Variants in CDK5RAP2 observed in about 807,000 individuals in gnomAD.
The protein encoded by CDK5RAP2 is CDK5 regulatory subunit associated protein 2.
CDK5RAP2 carries 147 observed loss-of-function variants against 232.9 expected under a neutral mutation model. The observed-to-expected ratio is 0.63, with a 90% CI of 0.55 to 0.72. CDK5RAP2 has a LOEUF of 0.72. Ranked by LOEUF, CDK5RAP2 falls within the 30% of genes least tolerant of loss-of-function variation. CDK5RAP2 has a pLI of 0.00. For synonymous variants in CDK5RAP2, 833 were observed against 833.7 expected, an observed-to-expected ratio of 1.00 and a Z score of 0.01; for missense variants, 2,195 against 2,231.5, an observed-to-expected ratio of 0.98 and a Z score of 0.33.
chr9:120,550,782 G>C lies in CDK5RAP2; in HGVS notation c.306+10C>G. The C allele has an allele frequency of 2.1e-6, 3 of 1,436,032 alleles. No individual in the cohort carries two copies. The highest frequency in any genetic ancestry group is 1.4e-5 in the African/African-American group (1 of 71,526). The allele number at this position is 1,436,032 out of a possible 1,614,324, so 89.0% of individuals were successfully genotyped here. ...ACACAAGGGACAGTAATGAGAAATG[G>C]GCCACTCACAGTTTTGTAGATATGT... On this transcript the variant is annotated intron_variant, in intron 4 of 37. Transcript: ENST00000349780.
At chr9:120,450,929 G>A (rs2036448695) in intron 21 of CDK5RAP2, among the ~76,000 whole-genome samples, 1 of 152,232 alleles carries the variant, frequency 6.6e-6, no homozygotes, top group Non-Finnish European at 1.5e-5. Flanking sequence ...CAGGTTCAAG[G>A]ATAAGAACAG....
intron 25 of CDK5RAP2, among the ~76,000 whole-genome samples, chr9:120,430,439 A>C (rs1281025818): frequency 2.0e-5 from 3 of 150,178 alleles, no homozygotes; most frequent in Non-Finnish European, 3.0e-5. Flanking sequence ...ACCCCATCAA[A>C]AAGTGGGCGA....
chr9:120,568,199 G>A, intron 3 of CDK5RAP2, 122 bp downstream of exon 3: 1 of 798,352 alleles, frequency 1.3e-6, no homozygotes, highest in East Asian at 2.4e-5. Context: ...ATGAGACATG[G>A]CACCCCCCTG....
At position 120,419,813 on chromosome 9, in the gene CDK5RAP2, T is replaced by G; in HGVS notation, c.4152A>C (p.Ser1384=). 1 of 1,613,928 alleles carries G rather than the reference T, an allele frequency of 6.2e-7. No individual in the cohort carries two copies. Among genetic ancestry groups the G allele is most frequent in the East Asian group, 2.2e-5 (1 of 44,874 alleles). Residue 1384 remains serine, a synonymous_variant, in exon 27 of 38, where the codon TCA becomes TCC. Coordinates refer to ENST00000349780, the MANE Select transcript of CDK5RAP2 (RefSeq NM_018249.6). ...CTTGAGAAAAACTGTTCACCATAAC[T>G]GAAGTCTTCTCTGTCTCATTATCTT... ...QKQDNETEKT[S]VMVNSFSQDL...
intron 26 of CDK5RAP2, 28 bp downstream of exon 26, chr9:120,422,665 G>A (rs1205416022): frequency 6.3e-7 from 1 of 1,582,004 alleles, no homozygotes; most frequent in East Asian, 2.2e-5. Flanking sequence ...GTCCTGGGAA[G>A]TCTTCTTAAC....
intron 5 of CDK5RAP2, among the ~76,000 whole-genome samples, chr9:120,544,470 T>A (rs1037680505): frequency 2.0e-5 from 3 of 152,250 alleles, no homozygotes; most frequent in Non-Finnish European, 4.4e-5. Flanking sequence ...AAGTTCAGCA[T>A]AACCTGGAGA....
At chr9:120,578,623 G>A (rs555467272) in intron 1 of CDK5RAP2, among the ~76,000 whole-genome samples, 14 of 149,680 alleles carry the variant, frequency 9.4e-5, no homozygotes, top group African/African-American at 3.4e-4. Context: ...CTACAGTGCA[G>A]TGGCATGAAC....
In CDK5RAP2 at chr9:120,530,045, T is replaced by C. The variant is rs748873119; in HGVS notation, c.758A>G (p.Asn253Ser). The C allele has an allele frequency of 6.2e-7, 1 of 1,613,436 alleles. No homozygotes were observed. Among genetic ancestry groups the C allele is most frequent in the East Asian group, 2.2e-5 (1 of 44,876 alleles). Residue 253 changes from asparagine (N) to serine (S), a missense_variant, in exon 8 of 38, where the codon AAT becomes AGT. Coordinates refer to ENST00000349780, the MANE Select transcript of CDK5RAP2 (RefSeq NM_018249.6). ...EKSQMACPDENVSSGELRGLC... is the reference protein window; with the variant it reads ...EKSQMACPDESVSSGELRGLC... Reference sequence around the variant, plus strand: ...TCCTCGGAGCTCTCCAGATGACACATTCTCATCAGGACATGCCATCTGAGA... The same window carrying C: ...TCCTCGGAGCTCTCCAGATGACACACTCTCATCAGGACATGCCATCTGAGA...
intron 12 of CDK5RAP2, among the ~76,000 whole-genome samples, chr9:120,513,687 G>T (rs1233372275): frequency 2.6e-5 from 4 of 152,178 alleles, no homozygotes; most frequent in Non-Finnish European, 5.9e-5. Context: ...GTTTCTTCAT[G>T]TCTCTATTAT....
intron 2 of CDK5RAP2, among the ~76,000 whole-genome samples, chr9:120,569,947 A>C (rs973569638): frequency 1.3e-5 from 2 of 152,176 alleles, no homozygotes; most frequent in African/African-American, 4.8e-5. Flanking sequence ...AACAGGAATA[A>C]ATGAAATGAG....
chr9:120,507,672 T>G (rs1484194223), intron 12 of CDK5RAP2, among the ~76,000 whole-genome samples: 1 of 151,868 alleles, frequency 6.6e-6, no homozygotes, highest in East Asian at 1.9e-4. Flanking sequence ...TCTGTTTTAT[T>G]TGCTTCTGAA....
intron 5 of CDK5RAP2, among the ~76,000 whole-genome samples, chr9:120,539,850 A>C (rs1313369320): frequency 6.6e-6 from 1 of 152,234 alleles, no homozygotes; most frequent in Non-Finnish European, 1.5e-5. Flanking sequence ...GGGGCTTCCA[A>C]CAAAGTACAC....
chr9:120,389,855 G>T, intron 36 of CDK5RAP2, 68 bp from the exon 37 acceptor site: 1 of 1,457,832 alleles, frequency 6.9e-7, no homozygotes, highest in Non-Finnish European at 9.6e-7. Context: ...TGAAAGCCAA[G>T]TGCAGGGAGG....
Position 120,561,294 on chromosome 9 carries a change from G to A in CDK5RAP2, c.195+7027C>T, listed in dbSNP as rs1284849172. On this transcript the variant is annotated intron_variant, in intron 3 of 37. Transcript: ENST00000349780. ...TAAGTATCTTATAAATAATACTGGA[G>A]AAATAACAGAATTTTTTTTTTAAAC... Among the ~76,000 whole-genome samples the A allele has an allele frequency of 4.6e-5, 7 of 151,972 alleles. No homozygotes were observed. In the South Asian group the frequency reaches 6.2e-4, roughly 14 times the overall value.
chr9:120,438,310 T>G (rs955980967), intron 24 of CDK5RAP2, among the ~76,000 whole-genome samples: 8 of 152,182 alleles, frequency 5.3e-5, no homozygotes, highest in African/African-American at 1.9e-4. Flanking sequence ...GGCAAAGATG[T>G]TGACACTTCA....
At chr9:120,523,910 A>T (rs1888930) in intron 11 of CDK5RAP2, among the ~76,000 whole-genome samples, 1 of 152,106 alleles carries the variant, frequency 6.6e-6, no homozygotes, top group Non-Finnish European at 1.5e-5. Flanking sequence ...ACATTGGGGG[A>T]CGGAGGGAGG....
chr9:120,522,094 T>C (rs552636753), intron 11 of CDK5RAP2, among the ~76,000 whole-genome samples: 4 of 152,308 alleles, frequency 2.6e-5, no homozygotes, highest in Non-Finnish European at 2.9e-5. Context: ...GTTACCTCCA[T>C]ATAATGGACT....
At chr9:120,573,777 T>C (rs1023021114) in intron 1 of CDK5RAP2, among the ~76,000 whole-genome samples, 1 of 152,218 alleles carries the variant, frequency 6.6e-6, no homozygotes, top group African/African-American at 2.4e-5. Context: ...TTTTCTTCCT[T>C]TTTAATGTTA....
chr9:120,447,401 T>C (rs1413978361), intron 22 of CDK5RAP2, among the ~76,000 whole-genome samples: 2 of 152,202 alleles, frequency 1.3e-5, no homozygotes, highest in Non-Finnish European at 2.9e-5. Flanking sequence ...ACAGGGGCTG[T>C]TGTCTTGCCT....
Sources: gnomAD v4.1 joint callset for allele counts (sites outside exome capture counted in the v4.1 genomes callset) on GRCh38, gnomAD v4.1.1 for gene constraint, MANE v1.5 for transcripts, NCBI Gene and HGNC (gene_info 2026-07-23, HGNC 2026-07-21) for gene names.